Variants in PANK1 observed in about 807,000 individuals in gnomAD.
PANK1 encodes pantothenic acid kinase 1.
Under a neutral mutation model 40.1 loss-of-function variants are expected in PANK1, and 18 were observed. The observed-to-expected ratio is 0.45, with a 90% CI of 0.31 to 0.67. The LOEUF (loss-of-function observed/expected upper bound fraction) is 0.67, where lower values mean the gene tolerates loss of function less well. PANK1 is among the 30% of genes least tolerant of loss of function. The pLI is 0.06. For missense variants in PANK1, 457 were observed against 599.6 expected, an observed-to-expected ratio of 0.76 and a Z score of 2.48; for synonymous variants, 242 against 237.7, an observed-to-expected ratio of 1.02 and a Z score of -0.17.
At chr10:89,607,833 C>T (rs182937112) in intron 2 of PANK1, among the ~76,000 whole-genome samples, 1 of 94,530 alleles carries the variant, frequency 1.1e-5, no homozygotes, top group Non-Finnish European at 2.6e-5. Context: ...ACCTACAGAG[C>T]CTTGGTGCAC....
chr10:89,632,987 A>G (rs1311193545), intron 1 of PANK1, among the ~76,000 whole-genome samples: 1 of 152,130 alleles, frequency 6.6e-6, no homozygotes, highest in East Asian at 1.9e-4. Flanking sequence ...TGCATCAATA[A>G]TTCAATTAGT....
chr10:89,584,492 C>A (rs1198628441), intron 6 of PANK1, 27 bp from the exon 7 acceptor site: 2 of 1,500,320 alleles, frequency 1.3e-6, no homozygotes, highest in Non-Finnish European at 1.9e-6. Context: ...AAACGATGAT[C>A]TCTGAACCTT....
At chr10:89,613,013 G>A (rs528278546) in intron 1 of PANK1, among the ~76,000 whole-genome samples, 10 of 152,158 alleles carry the variant, frequency 6.6e-5, no homozygotes, top group Non-Finnish European at 1.3e-4. Context: ...GCTTATCTAT[G>A]ACAAAATGAA....
chr10:89,597,772 T>C (rs1188854502), intron 3 of PANK1, among the ~76,000 whole-genome samples: 1 of 152,234 alleles, frequency 6.6e-6, no homozygotes, highest in Non-Finnish European at 1.5e-5. Context: ...TCTGTAGTTG[T>C]TTAAAAATTA....
Position 89,644,766 on chromosome 10 carries a change from C to A in PANK1, c.126G>T (p.Pro42=). The A allele has an allele frequency of 6.6e-7, 1 of 1,506,070 alleles. No homozygotes were observed. The allele number at this position is 1,506,070 out of a possible 1,614,324, so 93.3% of individuals were successfully genotyped here. The part of the protein sequence containing the change: ...HNGFHPPPVQ[P]PHVCSRGPVG... ...CTGGACCCCGGCTGCAGACGTGCGG[C>A]GGCTGGACTGGCGGCGGATGGAAGC... Residue 42 remains proline, a synonymous_variant, in exon 1 of 7, where the codon CCG becomes CCT. Coordinates refer to ENST00000307534, the MANE Select transcript of PANK1 (RefSeq NM_148977.3).
At position 89,644,977 on chromosome 10, in the gene PANK1, C is replaced by A. The variant is rs200241388; in HGVS notation, c.-86G>T. The A allele has an allele frequency of 6.0e-5, 95 of 1,576,622 alleles. 1 individual carries two copies. In the African/African-American group the frequency reaches 1.2e-3, roughly 20 times the overall value. ...CTCCGGCGTCTTTATTTCCCCGGATCCTCCCTGCGGCTTCCGATTCAGCAG... is the reference window on the plus strand; with the variant it reads ...CTCCGGCGTCTTTATTTCCCCGGATACTCCCTGCGGCTTCCGATTCAGCAG... On this transcript the variant is annotated 5_prime_UTR_variant, in exon 1 of 7. Coordinates refer to ENST00000307534, the MANE Select transcript of PANK1 (RefSeq NM_148977.3).
At position 89,645,101 on chromosome 10, in the gene PANK1, C is replaced by T. The variant is rs778105036; in HGVS notation, c.-210G>A. ...GCGCCCTGCCCCCCGCGCGCCGGCC[C>T]CACGGCGCCGGCCTGGAGCACGCCA... On this transcript the variant is annotated 5_prime_UTR_variant, in exon 1 of 7. Transcript: ENST00000307534. 9.5e-6 allele frequency: 14 copies of T among 1,471,114 alleles called. No homozygotes were observed. In the South Asian group the frequency reaches 1.8e-4, roughly 19 times the overall value. The allele number at this position is 1,471,114 out of a possible 1,614,324, so 91.1% of individuals were successfully genotyped here.
intron 2 of PANK1, among the ~76,000 whole-genome samples, chr10:89,603,988 C>T (rs931373018): frequency 2.0e-5 from 3 of 152,184 alleles, no homozygotes; most frequent in African/African-American, 7.2e-5. Context: ...TCCACAGATT[C>T]ATAGGTGTCC....
intron 1 of PANK1, among the ~76,000 whole-genome samples, chr10:89,638,018 C>G (rs1034205826): frequency 8.6e-5 from 13 of 152,034 alleles, no homozygotes; most frequent in Non-Finnish European, 1.5e-4. Flanking sequence ...TCAGGGTCAT[C>G]AATATCACGG....
In PANK1 at chr10:89,611,990, C is replaced by T. The variant is rs766263895; in HGVS notation, c.351G>A (p.Glu117=). The T allele has an allele frequency of 3.1e-6, 5 of 1,614,002 alleles. No individual in the cohort carries two copies. The highest frequency in any genetic ancestry group is 4.5e-5 in the East Asian group (2 of 44,896). ...CCTCTTCGGCTGTAATATCCTTCGG[C>T]TCGAAATACACCAATTTAACCAGCG... ...GGTLVKLVYF[E]PKDITAEEEQ... Residue 117 remains glutamate, a synonymous_variant, in exon 2 of 7, where the codon GAG becomes GAA. Transcript: ENST00000307534.
Position 89,599,454 on chromosome 10 carries a change from C to A in PANK1, c.697G>T (p.Gly233Cys). 6.2e-7 allele frequency: 1 copy of A among 1,613,688 alleles called. No homozygotes were observed. Among genetic ancestry groups the A allele is most frequent in the Non-Finnish European group, 8.5e-7 (1 of 1,179,624 alleles). ...CCAACAGAGTCGACATAAAGCAGGCCCTGAATCAGACAGTCCAGTTCATCC... is the reference window on the plus strand; with the variant it reads ...CCAACAGAGTCGACATAAAGCAGGCACTGAATCAGACAGTCCAGTTCATCC... ...KLDELDCLIQ[G>C]LLYVDSVGFN... The change falls in exon 3 of 7, where the codon GGC becomes TGC. Residue 233 changes from glycine to cysteine, a missense_variant. By Grantham distance (159) the Gly-to-Cys change is radical. This residue lies in a region of PANK1 where 286 missense variants were observed against 415.8 expected (regional missense o/e 0.69). Transcript: ENST00000307534.
intron 1 of PANK1, among the ~76,000 whole-genome samples, chr10:89,627,947 G>A (rs1299017856): frequency 6.6e-6 from 1 of 152,126 alleles, no homozygotes; most frequent in East Asian, 1.9e-4. Context: ...CAACATCATT[G>A]GCTATTAGGG....
intron 2 of PANK1, among the ~76,000 whole-genome samples, chr10:89,607,404 T>C (rs1477808587): frequency 2.0e-5 from 3 of 152,180 alleles, no homozygotes; most frequent in Admixed American, 6.5e-5. Context: ...ACAATTACAA[T>C]AGTGACATCA....
At chr10:89,605,461 T>A (rs1211747195) in intron 2 of PANK1, among the ~76,000 whole-genome samples, 1 of 152,244 alleles carries the variant, frequency 6.6e-6, no homozygotes, top group African/African-American at 2.4e-5. Flanking sequence ...TCACAGCATC[T>A]TCACCAGAAG....
intron 1 of PANK1, among the ~76,000 whole-genome samples, chr10:89,638,304 G>A (rs554923605): frequency 1.8e-4 from 28 of 152,300 alleles, no homozygotes; most frequent in Non-Finnish European, 3.4e-4. Flanking sequence ...TTCCTTCTCC[G>A]AGGTCATGGC....
In PANK1 at chr10:89,593,681, G is replaced by C. The variant is rs891920254; in HGVS notation, c.1076+132C>G. 12 of 717,688 alleles carry C rather than the reference G, an allele frequency of 1.7e-5. No individual in the cohort carries two copies. The East Asian group carries it at 2.5e-4, about 15-fold the overall frequency. The allele number at this position is 717,688 out of a possible 1,614,324, so 44.5% of individuals were successfully genotyped here. A position where few individuals can be genotyped will look rare whatever the true frequency, so the allele number is the denominator to read the frequency against. On this transcript the variant is annotated intron_variant, in intron 4 of 6. Coordinates refer to ENST00000307534, the MANE Select transcript of PANK1 (RefSeq NM_148977.3). ...TGCTTCATCAAGGGCAGGAGATCAA[G>C]TCTGAGCTCTGATACAACAGGTATC...
chr10:89,610,464 G>GA (rs10709875), intron 2 of PANK1, among the ~76,000 whole-genome samples: 11,086 of 149,138 alleles, frequency 0.074, 486 homozygotes, highest in South Asian at 0.13. Context: ...GGACATAGAA[G>GA]AAAAAAAAAA....
chr10:89,604,998 A>T (rs562171813), intron 2 of PANK1, among the ~76,000 whole-genome samples: 1 of 148,670 alleles, frequency 6.7e-6, no homozygotes, highest in Non-Finnish European at 1.5e-5. Context: ...TGATTTGCCC[A>T]CCTCGGCCTC....
At chr10:89,625,707 C>A (rs1485193124) in intron 1 of PANK1, 6 of 149,606 alleles carry the variant, frequency 4.0e-5, no homozygotes, top group Non-Finnish European at 7.4e-5. Flanking sequence ...AGCTCTGTTG[C>A]TTTTATTTTA....
Sources: allele counts gnomAD v4.1 joint callset (sites outside exome capture counted in the v4.1 genomes callset), GRCh38; gene constraint gnomAD v4.1.1; regional missense constraint gnomAD v4.1.1; transcripts MANE v1.5; gene names NCBI Gene and HGNC (gene_info 2026-07-23, HGNC 2026-07-21).